Variants in SLC8A1 observed in about 807,000 individuals in gnomAD.
SLC8A1 encodes sodium/calcium exchanger 1.
In SLC8A1, 18 loss-of-function variants were observed where a neutral mutation model predicts 68.3. That is an observed-to-expected ratio of 0.26 (90% CI 0.18 to 0.39). The LOEUF is 0.39. Among genes scored for constraint, SLC8A1 ranks in the 10% least tolerant of loss-of-function variants. SLC8A1 has a pLI of 1.00. For missense variants in SLC8A1, 985 were observed against 1,156.7 expected (o/e 0.85, Z 2.15); for synonymous variants, 475 against 415.5 (o/e 1.14, Z -1.74).
intron 2 of SLC8A1, among the ~76,000 whole-genome samples, chr2:40,229,682 T>A (rs1191357487): frequency 6.7e-6 from 1 of 150,264 alleles, no homozygotes; most frequent in African/African-American, 2.4e-5. Flanking sequence ...TTCATTATGA[T>A]CCTCCAAACA....
At chr2:40,486,816 G>A (rs1704995965) in intron 1 of SLC8A1, among the ~76,000 whole-genome samples, 1 of 150,862 alleles carries the variant, frequency 6.6e-6, no homozygotes. Flanking sequence ...TTGGTGTGCT[G>A]CACCTGTTAA....
At chr2:40,380,484 A>AT (rs150567976) in intron 2 of SLC8A1, among the ~76,000 whole-genome samples, 1,722 of 151,414 alleles carry the variant, frequency 0.011, 11 homozygotes, top group South Asian at 0.033. Flanking sequence ...GTTTTATCTC[A>AT]TTTTTTTTTA....
intron 2 of SLC8A1, among the ~76,000 whole-genome samples, chr2:40,252,676 C>G (rs186277364): frequency 4.0e-5 from 6 of 151,306 alleles, no homozygotes; most frequent in Admixed American, 6.6e-5. Context: ...CTCTCCAGAC[C>G]TGTCATCATA....
At chr2:40,253,068 CTAT>C (rs1156983485) in intron 2 of SLC8A1, among the ~76,000 whole-genome samples, 1 of 91,478 alleles carries the variant, frequency 1.1e-5, no homozygotes, top group Non-Finnish European at 2.3e-5. Flanking sequence ...CATGTATATA[CTAT>C]ATATGTGTAT....
At chr2:40,315,989 T>G (rs62150814) in intron 2 of SLC8A1, among the ~76,000 whole-genome samples, 1 of 152,156 alleles carries the variant, frequency 6.6e-6, no homozygotes, top group Admixed American at 6.6e-5. Flanking sequence ...ACCTTCTATG[T>G]AGAAAATAGT....
intron 7 of SLC8A1, among the ~76,000 whole-genome samples, chr2:40,118,027 T>C (rs2035870814): frequency 1.3e-5 from 2 of 152,224 alleles, no homozygotes; most frequent in African/African-American, 4.8e-5. Flanking sequence ...GATCTGATTA[T>C]TATTTCATAA....
intron 6 of SLC8A1, among the ~76,000 whole-genome samples, chr2:40,153,910 C>T (rs995620287): frequency 3.3e-5 from 5 of 152,220 alleles, no homozygotes; most frequent in Non-Finnish European, 7.3e-5. Flanking sequence ...CAAACCCTTA[C>T]CTTCCCCATG....
intron 2 of SLC8A1, among the ~76,000 whole-genome samples, chr2:40,285,703 G>A (rs1404665409): frequency 1.3e-5 from 2 of 152,062 alleles, no homozygotes; most frequent in Non-Finnish European, 2.9e-5. Context: ...TATAAGGTAG[G>A]GAAACTTGCA....
intron 2 of SLC8A1, among the ~76,000 whole-genome samples, chr2:40,188,473 C>G (rs1201811446): frequency 6.6e-6 from 1 of 152,252 alleles, no homozygotes; most frequent in Non-Finnish European, 1.5e-5. Context: ...GGATTTCAGA[C>G]TGCTGGTTGC....
chr2:40,155,057 C>T (rs1378167556), intron 6 of SLC8A1, among the ~76,000 whole-genome samples: 1 of 152,090 alleles, frequency 6.6e-6, no homozygotes, highest in Non-Finnish European at 1.5e-5. Flanking sequence ...CCATTGGTAA[C>T]ACCCTCCTCC....
intron 2 of SLC8A1, among the ~76,000 whole-genome samples, chr2:40,334,587 G>T (rs914951940): frequency 6.6e-6 from 1 of 152,008 alleles, no homozygotes; most frequent in African/African-American, 2.4e-5. Context: ...AAGGAAGAAG[G>T]GTATGTCCTG....
chr2:40,134,268 T>A (rs893977666), intron 7 of SLC8A1, among the ~76,000 whole-genome samples: 2 of 152,100 alleles, frequency 1.3e-5, no homozygotes, highest in African/African-American at 2.4e-5. Context: ...ATTTTTGTAT[T>A]TTTAGTAGAG....
At chr2:40,494,669 A>ATATG in intron 1 of SLC8A1, among the ~76,000 whole-genome samples, 1 of 129,600 alleles carries the variant, frequency 7.7e-6, no homozygotes, top group African/African-American at 3.0e-5. Flanking sequence ...ATATATATAT[A>ATATG]TATATATATA....
At chr2:40,418,440 T>A (rs1187929332) in intron 2 of SLC8A1, among the ~76,000 whole-genome samples, 2 of 152,192 alleles carry the variant, frequency 1.3e-5, no homozygotes, top group African/African-American at 2.4e-5. Flanking sequence ...TTTTGTCTTT[T>A]CTCAGTAATC....
intron 2 of SLC8A1, among the ~76,000 whole-genome samples, chr2:40,341,152 C>T (rs970250816): frequency 1.3e-5 from 2 of 152,142 alleles, no homozygotes; most frequent in African/African-American, 4.8e-5. Flanking sequence ...GCTTTGTGTA[C>T]TCCCTGGCTC....
At chr2:40,200,243 T>TAA in intron 2 of SLC8A1, among the ~76,000 whole-genome samples, 1 of 15,386 alleles carries the variant, frequency 6.5e-5, no homozygotes, top group Non-Finnish European at 2.0e-4. Context: ...TATATAAATA[T>TAA]ATATATATAT....
Position 40,307,512 on chromosome 2 carries a change from A to G in SLC8A1, c.1808+120961T>C, listed in dbSNP as rs767590335. Among the ~76,000 whole-genome samples the G allele has an allele frequency of 4.6e-5, 7 of 152,218 alleles. No homozygotes were observed. In the South Asian group the frequency reaches 1.0e-3, roughly 23 times the overall value. On this transcript the variant is annotated intron_variant, in intron 2 of 7. Transcript: ENST00000406785. ...ATTGAACTGTACACTTAAGATGGTC[A>G]GGATAGTAAATTTTATATTTTTTAC...
intron 2 of SLC8A1, chr2:40,255,083 C>T (rs1574802037): frequency 6.6e-6 from 1 of 152,154 alleles, no homozygotes; most frequent in Non-Finnish European, 1.5e-5. Context: ...TTCTTAGATG[C>T]CATTTCTCTA....
intron 2 of SLC8A1, among the ~76,000 whole-genome samples, chr2:40,412,381 T>C (rs750486467): frequency 6.6e-6 from 1 of 152,094 alleles, no homozygotes; most frequent in Non-Finnish European, 1.5e-5. Context: ...GGATATTACA[T>C]CTATTTTGTA....
Sources: allele counts gnomAD v4.1 joint callset (sites outside exome capture counted in the v4.1 genomes callset), GRCh38; gene constraint gnomAD v4.1.1; transcripts MANE v1.5; gene names NCBI Gene and HGNC (gene_info 2026-07-23, HGNC 2026-07-21).